The following MTA3 variants were observed in gnomAD, a reference collection of about 807,000 sequenced individuals.
MTA3 encodes the protein metastasis-associated protein MTA3.
MTA3 carries 34 observed loss-of-function variants against 83.5 expected under a neutral mutation model. The ratio of observed to expected loss-of-function variants is 0.41; its 90% CI spans 0.31 to 0.54. The LOEUF is 0.54. Among genes scored for constraint, MTA3 ranks in the 20% least tolerant of loss-of-function variants. MTA3 has a pLI of 0.33. For missense variants in MTA3, 761 were observed against 726.4 expected (o/e 1.05, Z -0.55); for synonymous variants, 303 against 252.7 (o/e 1.20, Z -1.89).
intron 2 of MTA3, among the ~76,000 whole-genome samples, chr2:42,563,600 G>A (rs934482338): frequency 3.3e-5 from 5 of 152,076 alleles, no homozygotes; most frequent in Admixed American, 2.0e-4. Flanking sequence ...CTGAGTAGCT[G>A]GGACTACAGG....
chr2:42,702,423 C>A (rs758833340), intron 11 of MTA3: 1 of 152,134 alleles, frequency 6.6e-6, no homozygotes, highest in Non-Finnish European at 1.5e-5. Context: ...TAAGTAGGGT[C>A]TTTGCTGTCA....
At chr2:42,708,784 A>T in intron 13 of MTA3, 90 bp from the exon 14 acceptor site, 1 of 1,337,782 alleles carries the variant, frequency 7.5e-7, no homozygotes, top group Non-Finnish European at 1.0e-6. Context: ...AAGATTTAAA[A>T]GTTGCACTTT....
At chr2:42,645,809 A>C (rs561810585) in intron 6 of MTA3, among the ~76,000 whole-genome samples, 61 of 152,358 alleles carry the variant, frequency 4.0e-4, no homozygotes, top group African/African-American at 1.4e-3. Context: ...TAAAGCAGCA[A>C]GTGCTGATGT....
intron 4 of MTA3, among the ~76,000 whole-genome samples, chr2:42,636,186 A>G (rs565820590): frequency 6.6e-6 from 1 of 152,292 alleles, no homozygotes; most frequent in East Asian, 1.9e-4. Context: ...AGTCTGGTAC[A>G]GCACTAAGAT....
At chr2:42,622,141 G>A (rs1159347608) in intron 4 of MTA3, among the ~76,000 whole-genome samples, 4 of 152,210 alleles carry the variant, frequency 2.6e-5, no homozygotes, top group African/African-American at 7.2e-5. Flanking sequence ...ACCAGAGTCC[G>A]TCTGCAATCC....
intron 4 of MTA3, among the ~76,000 whole-genome samples, chr2:42,623,629 T>G (rs1220387496): frequency 6.6e-6 from 1 of 152,124 alleles, no homozygotes; most frequent in Admixed American, 6.6e-5. Flanking sequence ...TTTCACTGTT[T>G]GGATTTTGCT....
intron 2 of MTA3, among the ~76,000 whole-genome samples, chr2:42,506,321 C>T (rs1227804231): frequency 2.0e-5 from 3 of 151,740 alleles, no homozygotes; most frequent in Non-Finnish European, 2.9e-5. Flanking sequence ...TGTGGTGGTA[C>T]TCTATGCCTG....
At chr2:42,618,114 T>TA (rs892300931) in intron 4 of MTA3, among the ~76,000 whole-genome samples, 14 of 151,754 alleles carry the variant, frequency 9.2e-5, no homozygotes, top group African/African-American at 2.2e-4. Context: ...CTGGGTAATG[T>TA]AAAAAAAAGT....
chr2:42,538,305 T>C (rs1024797741), intron 2 of MTA3, among the ~76,000 whole-genome samples: 20 of 146,578 alleles, frequency 1.4e-4, no homozygotes, highest in African/African-American at 4.5e-4. Flanking sequence ...GATGAGCATA[T>C]TGGCCAATCG....
chr2:42,668,502 A>G (rs1377334259), intron 8 of MTA3, among the ~76,000 whole-genome samples: 3 of 152,170 alleles, frequency 2.0e-5, no homozygotes, highest in Non-Finnish European at 4.4e-5. Context: ...GAATTGAGAT[A>G]ATTACTTGTA....
intron 2 of MTA3, among the ~76,000 whole-genome samples, chr2:42,520,129 A>G (rs1319799633): frequency 2.0e-5 from 3 of 152,190 alleles, no homozygotes; most frequent in Non-Finnish European, 4.4e-5. Flanking sequence ...AAGAATGGTA[A>G]ATGTCCTAGA....
At chr2:42,599,624 G>A (rs982873295) in intron 3 of MTA3, among the ~76,000 whole-genome samples, 2 of 151,960 alleles carry the variant, frequency 1.3e-5, no homozygotes, top group African/African-American at 4.8e-5. Context: ...TAATTCATGT[G>A]GGTGAAACTG....
chr2:42,633,470 T>G (rs1265924727), intron 4 of MTA3, among the ~76,000 whole-genome samples: 15 of 152,050 alleles, frequency 9.9e-5, no homozygotes, highest in Non-Finnish European at 2.9e-5. Context: ...TCCCAATTAC[T>G]CAGGAAACTG....
chr2:42,649,486 A>G (rs1688512059), intron 6 of MTA3, among the ~76,000 whole-genome samples: 1 of 152,088 alleles, frequency 6.6e-6, no homozygotes, highest in Non-Finnish European at 1.5e-5. Context: ...ATCTTTTGTT[A>G]TATTGTATGC....
rs1479875084 is a variant in MTA3 at position 42,755,663 on chromosome 2, A to G, written c.*2264A>G. The G allele has an allele frequency of 5.1e-6, 5 of 985,372 alleles. No homozygotes were observed. The highest frequency in any genetic ancestry group is 6.0e-6 in the Non-Finnish European group (5 of 829,990). 61.0% of individuals were successfully genotyped at this position (985,372 alleles called of 1,614,324 possible). On this transcript the variant is annotated 3_prime_UTR_variant, in exon 17 of 17. Coordinates refer to ENST00000405094, the MANE Select transcript of MTA3 (RefSeq NM_001330442.2). The stretch of plus-strand genomic sequence containing the variant: ...GGAGGAAGGGTGCCGAGGCGCCTCT[A>G]GTCTGTGCCTTTGCCGTTGGAAGCA...
At chr2:42,568,956 C>T (rs1319902456) in intron 1 of MTA3, among the ~76,000 whole-genome samples, 183 bp downstream of exon 1, 3 of 151,966 alleles carry the variant, frequency 2.0e-5, no homozygotes, top group Admixed American at 6.5e-5. Flanking sequence ...CCCCTCCCCC[C>T]ACGCGGGCTC....
At chr2:42,518,733 T>C (rs532147985) in intron 2 of MTA3, among the ~76,000 whole-genome samples, 38 of 152,074 alleles carry the variant, frequency 2.5e-4, no homozygotes, top group South Asian at 1.9e-3. Context: ...TCCCAACACT[T>C]TGGGAGGCTG....
intron 4 of MTA3, among the ~76,000 whole-genome samples, chr2:42,633,285 A>G (rs556667117): frequency 2.0e-5 from 3 of 152,116 alleles, no homozygotes; most frequent in African/African-American, 7.2e-5. Flanking sequence ...CTCAAAAAAA[A>G]AAAAGCAGAG....
At chr2:42,595,435 A>G (rs1681683366) in intron 3 of MTA3, among the ~76,000 whole-genome samples, 1 of 152,092 alleles carries the variant, frequency 6.6e-6, no homozygotes, top group African/African-American at 2.4e-5. Context: ...AAAAGGCCAC[A>G]TGTGTGTCCT....
Sources: allele counts gnomAD v4.1 joint callset (sites outside exome capture counted in the v4.1 genomes callset), GRCh38; gene constraint gnomAD v4.1.1; transcripts MANE v1.5; gene names NCBI Gene and HGNC (gene_info 2026-07-23, HGNC 2026-07-21).